Variants in PLEKHA1 observed in about 807,000 individuals in gnomAD.
The protein encoded by PLEKHA1 is pleckstrin homology domain containing A1.
PLEKHA1 carries 34 observed loss-of-function variants against 52.0 expected under a neutral mutation model. That is an observed-to-expected ratio of 0.65 (90% CI 0.50 to 0.87). PLEKHA1 has a LOEUF of 0.87. PLEKHA1 is among the 40% of genes least tolerant of loss of function. The pLI, the probability that PLEKHA1 is intolerant of heterozygous loss-of-function variation, is 0.00. For missense variants in PLEKHA1, 497 were observed against 504.2 expected (o/e 0.99, Z 0.14); for synonymous variants, 163 against 170.7 (o/e 0.95, Z 0.35).
At chr10:122,399,033 C>T (rs533428952) in intron 3 of PLEKHA1, among the ~76,000 whole-genome samples, 2 of 152,278 alleles carry the variant, frequency 1.3e-5, no homozygotes, top group South Asian at 4.1e-4. Context: ...TCCTCTCCTC[C>T]ATTGCTCTTC....
chr10:122,418,301 A>AGG (rs1199606777), intron 8 of PLEKHA1: 1 of 211,928 alleles, frequency 4.7e-6, no homozygotes, highest in Non-Finnish European at 9.4e-6. Flanking sequence ...CACATGGGGA[A>AGG]GGGGTGGTGG....
intron 5 of PLEKHA1, among the ~76,000 whole-genome samples, chr10:122,410,045 A>T (rs1228659419): frequency 6.6e-6 from 1 of 152,146 alleles, no homozygotes; most frequent in African/African-American, 2.4e-5. Flanking sequence ...GGCCTCCCAA[A>T]GTGCTGGGAT....
intron 1 of PLEKHA1, among the ~76,000 whole-genome samples, chr10:122,383,985 T>TG (rs1168446827): frequency 1.3e-5 from 2 of 152,238 alleles, no homozygotes; most frequent in African/African-American, 4.8e-5. Context: ...TTTTGATATT[T>TG]GAATCCCTGT....
chr10:122,409,038 G>T (rs895482352), intron 5 of PLEKHA1, among the ~76,000 whole-genome samples: 1 of 152,110 alleles, frequency 6.6e-6, no homozygotes, highest in Non-Finnish European at 1.5e-5. Flanking sequence ...GTAAGGGAAT[G>T]ATGATTTTTA....
chr10:122,413,124 C>A, intron 6 of PLEKHA1, 79 bp downstream of exon 6: 1 of 1,245,276 alleles, frequency 8.0e-7, no homozygotes, highest in Non-Finnish European at 1.1e-6. Context: ...TAAAACAGTG[C>A]ATCTTTGCTT....
rs7068629 is a variant in PLEKHA1, at chr10:122,385,746, T to C, written c.-20-7435T>C. 1.3e-3 allele frequency among the ~76,000 whole-genome samples: 204 copies of C among 152,360 alleles called. 1 individual carries two copies. The highest frequency in any genetic ancestry group is 4.7e-3 in the African/African-American group (197 of 41,588). On this transcript the variant is annotated intron_variant, in intron 1 of 11. Coordinates refer to ENST00000368990, the MANE Select transcript of PLEKHA1 (RefSeq NM_001001974.4). ...TGATTTGTTCTATGTCCCATATCCT[T>C]TTTGGTCTGGCTTCTTTCACATACC...
intron 3 of PLEKHA1, among the ~76,000 whole-genome samples, chr10:122,399,539 T>TA (rs2096897512): frequency 6.6e-6 from 1 of 152,062 alleles, no homozygotes; most frequent in East Asian, 1.9e-4. Flanking sequence ...TTATTAAGAT[T>TA]AAGATTAATT....
chr10:122,381,723 T>C (rs2096617850), intron 1 of PLEKHA1, among the ~76,000 whole-genome samples: 1 of 152,210 alleles, frequency 6.6e-6, no homozygotes, highest in Non-Finnish European at 1.5e-5. Context: ...GAGAAAAACT[T>C]AAGTATGACT....
intron 6 of PLEKHA1, among the ~76,000 whole-genome samples, chr10:122,414,911 A>G (rs1466579164): frequency 6.6e-6 from 1 of 152,092 alleles, no homozygotes; most frequent in Non-Finnish European, 1.5e-5. Context: ...TTAATAATAA[A>G]AGTAAGCTTG....
chr10:122,384,057 G>T (rs2096653356), intron 1 of PLEKHA1, among the ~76,000 whole-genome samples: 1 of 151,868 alleles, frequency 6.6e-6, no homozygotes, highest in Non-Finnish European at 1.5e-5. Flanking sequence ...TCTCGGTATG[G>T]TTTTTTTGTA....
rs369754524 is a variant in PLEKHA1 at position 122,416,025 on chromosome 10, T to A, written c.612+23T>A. The A allele has an allele frequency of 3.2e-6, 5 of 1,575,158 alleles. No homozygotes were observed. In the African/African-American group the frequency reaches 4.1e-5, roughly 13 times the overall value. Reference sequence around the variant, plus strand: ...GTGGTGAGTAGCTTAACAAAATACATGAAATAATGAAAAAGGATTACGTTC... The same window carrying A: ...GTGGTGAGTAGCTTAACAAAATACAAGAAATAATGAAAAAGGATTACGTTC... On this transcript the variant is annotated intron_variant, in intron 7 of 11. Transcript: ENST00000368990.
At chr10:122,400,547 TG>T (rs1470178874) in intron 4 of PLEKHA1, among the ~76,000 whole-genome samples, 159 bp downstream of exon 4, 1 of 152,238 alleles carries the variant, frequency 6.6e-6, no homozygotes, top group Admixed American at 6.5e-5. Flanking sequence ...AATAACATTT[TG>T]CACCCCCTCT....
chr10:122,412,628 C>G, intron 5 of PLEKHA1: 1 of 308,798 alleles, frequency 3.2e-6, no homozygotes, highest in Non-Finnish European at 6.1e-6. Context: ...TTCCTTACCT[C>G]TTAGGTGGGG....
At chr10:122,426,850 A>C in intron 10 of PLEKHA1, 92 bp from the exon 11 acceptor site, 1 of 1,102,584 alleles carries the variant, frequency 9.1e-7, no homozygotes, top group Non-Finnish European at 1.3e-6. Flanking sequence ...TGTTGATGAC[A>C]GTATTTTAAG....
chr10:122,381,411 G>T (rs2133650419), intron 1 of PLEKHA1, among the ~76,000 whole-genome samples: 1 of 152,332 alleles, frequency 6.6e-6, no homozygotes, highest in African/African-American at 2.4e-5. Context: ...TTGGGAGGCG[G>T]TTGGTTCATG....
chr10:122,394,205 G>T (rs1379032248), intron 2 of PLEKHA1, among the ~76,000 whole-genome samples: 1 of 150,282 alleles, frequency 6.7e-6, no homozygotes, highest in Non-Finnish European at 1.5e-5. Flanking sequence ...CTCCCGAGTA[G>T]CTGGGACTAC....
At chr10:122,375,622 C>T (rs143973156) in intron 1 of PLEKHA1, among the ~76,000 whole-genome samples, 2 of 152,304 alleles carry the variant, frequency 1.3e-5, no homozygotes, top group Non-Finnish European at 2.9e-5. Context: ...ATAATGAAAG[C>T]GGTCCTGTTG....
rs2097169165 is a variant in PLEKHA1, at chr10:122,416,011, C to G, written c.612+9C>G. ...TAAAACAAGGAGCAGTGGTGAGTAG[C>G]TTAACAAAATACATGAAATAATGAA... On this transcript the variant is annotated intron_variant, in intron 7 of 11. Transcript: ENST00000368990. 1 of 1,590,696 alleles carries G rather than the reference C, an allele frequency of 6.3e-7. No homozygotes were observed. The highest frequency in any genetic ancestry group is 8.5e-7 in the Non-Finnish European group (1 of 1,169,934).
At chr10:122,436,938 G>C (rs1747284847), downstream of PLEKHA1, 1 of 151,488 alleles carries the variant, frequency 6.6e-6, no homozygotes, top group African/African-American at 2.4e-5. Context: ...TTTCTTTAGT[G>C]GGGAGGAAAG....
Sources: gnomAD v4.1 joint callset for allele counts (sites outside exome capture counted in the v4.1 genomes callset) on GRCh38, gnomAD v4.1.1 for gene constraint, MANE v1.5 for transcripts, NCBI Gene and HGNC (gene_info 2026-07-23, HGNC 2026-07-21) for gene names.